TRPC7: variants seen among roughly 807,000 people sequenced by gnomAD.
TRPC7 encodes transient receptor potential cation channel subfamily C member 7, also known as short transient receptor potential channel 7.
Under a neutral mutation model 90.1 loss-of-function variants are expected in TRPC7, and 42 were observed. The ratio of observed to expected loss-of-function variants is 0.47; its 90% CI spans 0.36 to 0.60. The LOEUF (loss-of-function observed/expected upper bound fraction) is 0.60. TRPC7 is among the 20% of genes least tolerant of loss of function. The pLI, the probability that TRPC7 is intolerant of heterozygous loss-of-function variation, is 0.00. For missense variants in TRPC7, 955 were observed against 1,112.3 expected, an observed-to-expected ratio of 0.86 and a Z score of 2.01; for synonymous variants, 451 against 436.3, an observed-to-expected ratio of 1.03 and a Z score of -0.42.
At position 136,247,649 on chromosome 5, in the gene TRPC7, C is replaced by T; in HGVS notation, c.1666G>A (p.Ala556Thr). 1 of 1,613,968 alleles carries T rather than the reference C, an allele frequency of 6.2e-7. No individual in the cohort carries two copies. The highest frequency in any genetic ancestry group is 8.5e-7 in the Non-Finnish European group (1 of 1,179,878). Residue 556 changes from alanine (A) to threonine (T), a missense_variant, in exon 7 of 12, where the codon GCA (alanine) becomes ACA (threonine). By Grantham distance (58) the Ala-to-Thr change is moderately conservative. Around this residue, in one of 4 missense-constraint regions of TRPC7, gnomAD observed 296 missense variants for 422.7 expected, o/e 0.70. Transcript: ENST00000513104. The surrounding 1 kb of genome is among the most constrained non-coding windows in gnomAD (Gnocchi z 4.2). Reference protein sequence around the residue: ...IAVVLSFSRIAYILPANESFG... With the variant: ...IAVVLSFSRITYILPANESFG... ...CTCTCGTTGGCTGGCAGAATGTATG[C>T]AATGCGAGAGAAGCTCAGCACGACG...
At chr5:136,322,990 A>G (rs1759242035) in intron 2 of TRPC7, among the ~76,000 whole-genome samples, 2 of 152,214 alleles carry the variant, frequency 1.3e-5, no homozygotes, top group South Asian at 2.1e-4. Flanking sequence ...GAAGTCTGAT[A>G]TGGTTTGGCT....
intron 5 of TRPC7, among the ~76,000 whole-genome samples, chr5:136,254,288 A>G (rs192578360): frequency 6.6e-6 from 1 of 152,344 alleles, no homozygotes; most frequent in Admixed American, 6.5e-5. Context: ...AGAAGATGCC[A>G]TTTAGAACTT....
chr5:136,293,523 G>A (rs1365818164), intron 3 of TRPC7, among the ~76,000 whole-genome samples: 2 of 152,146 alleles, frequency 1.3e-5, no homozygotes, highest in Non-Finnish European at 2.9e-5. Flanking sequence ...CAAATCATGA[G>A]TGAACTCCCA....
chr5:136,338,862 C>T (rs1168312485), intron 2 of TRPC7, among the ~76,000 whole-genome samples: 1 of 151,942 alleles, frequency 6.6e-6, no homozygotes, highest in East Asian at 1.9e-4. Context: ...TGAATTGTTA[C>T]CACTCTACAG....
chr5:136,340,640 G>GA (rs1423673245), intron 2 of TRPC7, among the ~76,000 whole-genome samples: 1 of 151,738 alleles, frequency 6.6e-6, no homozygotes, highest in African/African-American at 2.4e-5. Context: ...AAGCCAAACT[G>GA]AAAAAACTCA....
chr5:136,304,434 A>C (rs1010278030), intron 3 of TRPC7, among the ~76,000 whole-genome samples: 4 of 152,190 alleles, frequency 2.6e-5, no homozygotes, highest in Non-Finnish European at 5.9e-5. Context: ...TAAGGCTTAC[A>C]AGTTAGTTCA....
chr5:136,266,936 T>C (rs1385486064), intron 4 of TRPC7, among the ~76,000 whole-genome samples: 1 of 152,244 alleles, frequency 6.6e-6, no homozygotes, highest in Non-Finnish European at 1.5e-5. Flanking sequence ...AAATTTTCAC[T>C]TGTAGCATTT....
intron 3 of TRPC7, among the ~76,000 whole-genome samples, chr5:136,292,228 A>G (rs550267820): frequency 1.3e-5 from 2 of 152,354 alleles, no homozygotes; most frequent in Admixed American, 1.3e-4. Context: ...TCACAATTAA[A>G]AGAACTAGAG....
intron 2 of TRPC7, among the ~76,000 whole-genome samples, chr5:136,351,608 T>C (rs1229854209): frequency 1.3e-5 from 2 of 152,224 alleles, no homozygotes; most frequent in African/African-American, 2.4e-5. Context: ...AGAGGTTAGA[T>C]GTGCTCTGAG....
intron 5 of TRPC7, among the ~76,000 whole-genome samples, chr5:136,262,109 C>T (rs1234679968): frequency 1.3e-5 from 2 of 152,196 alleles, no homozygotes; most frequent in African/African-American, 2.4e-5. Context: ...TCAAACCAGC[C>T]ATTTCCTTCC....
chr5:136,216,468 G>A (rs1012828383), intron 10 of TRPC7, among the ~76,000 whole-genome samples, 193 bp from the exon 11 acceptor site: 2 of 152,172 alleles, frequency 1.3e-5, no homozygotes, highest in African/African-American at 2.4e-5. Flanking sequence ...CGCCTCCCCC[G>A]CAGGATGCAA....
chr5:136,257,406 C>G (rs1258440058), intron 5 of TRPC7, among the ~76,000 whole-genome samples: 4 of 152,146 alleles, frequency 2.6e-5, no homozygotes, highest in Non-Finnish European at 4.4e-5. Context: ...TGGTCTCAAA[C>G]TCCTGACCTC....
At chr5:136,317,670 G>A (rs1394441527) in intron 2 of TRPC7, among the ~76,000 whole-genome samples, 2 of 152,184 alleles carry the variant, frequency 1.3e-5, no homozygotes, top group African/African-American at 4.8e-5. Context: ...CTGAGAACAA[G>A]GAATCTCTGG....
intron 2 of TRPC7, among the ~76,000 whole-genome samples, chr5:136,355,065 C>T (rs973906247): frequency 1.3e-5 from 2 of 152,206 alleles, no homozygotes; most frequent in African/African-American, 4.8e-5. Flanking sequence ...CTAGTTTGGA[C>T]CATGAAGTTT....
intron 10 of TRPC7, among the ~76,000 whole-genome samples, chr5:136,222,915 G>A (rs74547132): frequency 1.1e-3 from 161 of 152,328 alleles, no homozygotes; most frequent in African/African-American, 3.8e-3. Flanking sequence ...GAGAGTACAC[G>A]TGAGCTAGTG....
chr5:136,251,942 T>G (rs1756535744), intron 5 of TRPC7, 60 bp from the exon 6 acceptor site: 1 of 1,398,932 alleles, frequency 7.1e-7, no homozygotes, highest in Non-Finnish European at 1.0e-6. Context: ...TGTGACCGCA[T>G]GAGGTCATGG....
intron 2 of TRPC7, among the ~76,000 whole-genome samples, chr5:136,348,469 T>C (rs1760081817): frequency 6.6e-6 from 1 of 152,234 alleles, no homozygotes; most frequent in Non-Finnish European, 1.5e-5. Flanking sequence ...GCTGCCCCAT[T>C]GAGACAACTC....
intron 4 of TRPC7, among the ~76,000 whole-genome samples, chr5:136,271,717 C>T (rs1015794458): frequency 1.3e-5 from 2 of 152,180 alleles, no homozygotes; most frequent in Admixed American, 6.6e-5. Context: ...TTTCTCTTGA[C>T]CCAGATGAAC....
intron 3 of TRPC7, among the ~76,000 whole-genome samples, chr5:136,289,865 C>T (rs956526141): frequency 7.9e-5 from 12 of 152,194 alleles, no homozygotes; most frequent in Non-Finnish European, 8.8e-5. Context: ...CCCTAACCCC[C>T]GAGTAGCCTA....
Sources: gnomAD v4.1 joint callset for allele counts (sites outside exome capture counted in the v4.1 genomes callset) on GRCh38, gnomAD v4.1.1 for gene constraint, gnomAD v4.1.1 regional missense constraint, Gnocchi (gnomAD v3.1) non-coding constraint, MANE v1.5 for transcripts, NCBI Gene and HGNC (gene_info 2026-07-23, HGNC 2026-07-21) for gene names.